CAMSAP3: variants seen among roughly 807,000 people sequenced by gnomAD.
CAMSAP3 encodes the protein calmodulin-regulated spectrin-associated protein 3.
Under a neutral mutation model 112.5 loss-of-function variants are expected in CAMSAP3, and 34 were observed. That is an observed-to-expected ratio of 0.30 (90% CI 0.23 to 0.40). CAMSAP3 has a LOEUF of 0.40. CAMSAP3 is among the 10% of genes least tolerant of loss of function. The probability of loss-of-function intolerance (pLI) is 1.00; values close to 1 mark genes in which losing one functional copy is unlikely to be tolerated. For missense variants in CAMSAP3, 1,602 were observed against 1,770.3 expected, an observed-to-expected ratio of 0.90 and a Z score of 1.71; for synonymous variants, 868 against 799.8, an observed-to-expected ratio of 1.09 and a Z score of -1.44.
chr19:7,612,431 T>C lies in CAMSAP3; in HGVS notation c.1938T>C (p.Ser646=). 1 of 1,591,832 alleles carries C rather than the reference T, an allele frequency of 6.3e-7. No homozygotes were observed. The highest frequency in any genetic ancestry group is 8.5e-7 in the Non-Finnish European group (1 of 1,171,538). ...TGCAGGTGCAGCCGCGGGAAGCCTC[T>C]GGGGAGGCGGAAGCAGAGGCGGAGG... ...AFLQVQPREA[S]GEAEAEAEEA... Residue 646 remains serine (S), a synonymous_variant, in exon 11 of 17, where the codon TCT becomes TCC. Transcript: ENST00000160298.
At position 7,607,789 on chromosome 19, in the gene CAMSAP3, C is replaced by T; in HGVS notation, c.622-337C>T. 4 of 929,416 alleles carry T rather than the reference C, an allele frequency of 4.3e-6. No homozygotes were observed. Among genetic ancestry groups the T allele is most frequent in the Non-Finnish European group, 6.5e-6 (4 of 619,444 alleles). 57.6% of individuals were successfully genotyped at this position (929,416 alleles called of 1,614,324 possible). A position where few individuals can be genotyped will look rare whatever the true frequency, so the allele number is the denominator to read the frequency against. ...GGGGCCCAGCAGGTCAGCACCCCTC[C>T]CCCTTGCTGATGGCTGCTCCTCTCC... On this transcript the variant is annotated intron_variant, in intron 4 of 16. Coordinates refer to ENST00000160298, the MANE Select transcript of CAMSAP3 (RefSeq NM_020902.2). The surrounding 1 kb of genome is among the most constrained non-coding windows in gnomAD (Gnocchi z 4.9).
At position 7,605,302 on chromosome 19, in the gene CAMSAP3, A is replaced by G. The variant is rs1256623361; in HGVS notation, c.225A>G (p.Thr75=). ...AGGAGCATGTGAAGCCCCCGGTGAC[A>G]CGGCTGCTGCTCTCAGCCGAGCTCT... ...YAQEHVKPPV[T]RLLLSAELYC... The change falls in exon 2 of 17, where the codon ACA becomes ACG. Residue 75 remains threonine, a synonymous_variant. Coordinates refer to ENST00000160298, the MANE Select transcript of CAMSAP3 (RefSeq NM_020902.2). 1 of 1,610,578 alleles carries G rather than the reference A, an allele frequency of 6.2e-7. No individual in the cohort carries two copies. The highest frequency in any genetic ancestry group is 8.5e-7 in the Non-Finnish European group (1 of 1,178,642).
chr19:7,611,823 A>G lies in CAMSAP3; in HGVS notation c.1330A>G (p.Arg444Gly), dbSNP rs1255425136. 1 of 1,588,980 alleles carries G rather than the reference A, an allele frequency of 6.3e-7. No homozygotes were observed. The highest frequency in any genetic ancestry group is 1.7e-5 in the Admixed American group (1 of 57,852). ...SLGPPRPAPA[R>G]TPTQPPPEPG... ...GGGCCCCCCGCGTCCCGCGCCGGCCAGGACCCCCACCCAGCCACCCCCGGA... is the reference window on the plus strand; with the variant it reads ...GGGCCCCCCGCGTCCCGCGCCGGCCGGGACCCCCACCCAGCCACCCCCGGA... Residue 444 changes from arginine to glycine, a missense_variant, in exon 11 of 17, where the codon AGG becomes GGG. Arg to Gly is a moderately radical substitution (Grantham distance 125). Around this residue, in one of 6 missense-constraint regions of CAMSAP3, gnomAD observed 1,100 missense variants for 1,135.7 expected, o/e 0.97. Coordinates refer to ENST00000160298, the MANE Select transcript of CAMSAP3 (RefSeq NM_020902.2). This position sits in a 1 kb window ranked among gnomAD's most constrained non-coding sequence, Gnocchi z 6.9.
intron 1 of CAMSAP3, among the ~76,000 whole-genome samples, chr19:7,603,150 G>A (rs1049953305): frequency 4.6e-5 from 7 of 151,986 alleles, no homozygotes; most frequent in East Asian, 3.9e-4. Flanking sequence ...GAGAAGTCCC[G>A]TTCAAATATG....
In CAMSAP3 at chr19:7,605,270, T is replaced by TA; in HGVS notation, c.194dup (p.Tyr65Ter). The change falls in exon 2 of 17, where the codon TAC becomes TAAC. Residue 65 changes from tyrosine (Y) to a stop codon, truncating the protein, a stop_gained and frameshift_variant. Coordinates refer to ENST00000160298, the MANE Select transcript of CAMSAP3 (RefSeq NM_020902.2). LOFTEE classifies it high-confidence loss of function. Reference protein sequence around the residue: ...ELWEPFYTDQYAQEHVKPPVT... With the variant: ...ELWEPFYTDQ ...GTGGGAGCCCTTCTATACCGACCAG[T>TA]ACGCGCAGGAGCATGTGAAGCCCCC... 1 of 1,607,176 alleles carries TA rather than the reference T, an allele frequency of 6.2e-7. No individual in the cohort carries two copies. Among genetic ancestry groups the TA allele is most frequent in the Non-Finnish European group, 8.5e-7 (1 of 1,177,014 alleles).
Position 7,611,941 on chromosome 19 carries a change from T to C in CAMSAP3, c.1448T>C (p.Phe483Ser), listed in dbSNP as rs1370066345. 6.3e-7 allele frequency: 1 copy of C among 1,599,402 alleles called. No homozygotes were observed. The highest frequency in any genetic ancestry group is 1.7e-5 in the Admixed American group (1 of 58,734). Reference protein sequence around the residue: ...LLPDGAADGSFYLHSPEGPSK... With the variant: ...LLPDGAADGSSYLHSPEGPSK... ...CCAGATGGGGCGGCCGACGGCAGCT[T>C]CTACCTCCACTCCCCTGAGGGGCCC... is the stretch of plus-strand genomic sequence containing the variant. Residue 483 changes from phenylalanine (F) to serine (S), a missense_variant, in exon 11 of 17, where the codon TTC becomes TCC. Phe to Ser is a radical substitution (Grantham distance 155). This residue lies in a region of CAMSAP3 where 1,100 missense variants were observed against 1,135.7 expected (regional missense o/e 0.97). Coordinates refer to ENST00000160298, the MANE Select transcript of CAMSAP3 (RefSeq NM_020902.2). This position sits in a 1 kb window ranked among gnomAD's most constrained non-coding sequence, Gnocchi z 6.9.
In CAMSAP3 at chr19:7,610,989, C is replaced by T; in HGVS notation, c.1049+58C>T. 6.3e-7 allele frequency: 1 copy of T among 1,579,042 alleles called. No individual in the cohort carries two copies. The highest frequency in any genetic ancestry group is 8.6e-7 in the Non-Finnish European group (1 of 1,156,112). ...TTGTGGGTGTGGGGCTCCATGTCTG[C>T]CTTGCTGAGCACTGGGACGCAGCTG... On this transcript the variant is annotated intron_variant, in intron 8 of 16. Coordinates refer to ENST00000160298, the MANE Select transcript of CAMSAP3 (RefSeq NM_020902.2). The surrounding 1 kb of genome is among the most constrained non-coding windows in gnomAD (Gnocchi z 4.9).
In CAMSAP3 at chr19:7,610,821, G is replaced by A. The variant is rs2030441610; in HGVS notation, c.994+28G>A. The stretch of plus-strand genomic sequence containing the variant: ...GAGGCCCTGGGGGCCTGGGGGCCGG[G>A]TCGGGGGCGGGTGGGAGAGCCAAAC... On this transcript the variant is annotated intron_variant, in intron 7 of 16. Coordinates refer to ENST00000160298, the MANE Select transcript of CAMSAP3 (RefSeq NM_020902.2). This position sits in a 1 kb window ranked among gnomAD's most constrained non-coding sequence, Gnocchi z 4.9. 1 of 1,610,644 alleles carries A rather than the reference G, an allele frequency of 6.2e-7. No homozygotes were observed.
intron 4 of CAMSAP3, 103 bp from the exon 5 acceptor site, chr19:7,608,023 C>T (rs973908738): frequency 7.0e-6 from 10 of 1,424,756 alleles, no homozygotes; most frequent in East Asian, 2.3e-5. Context: ...CCCAGCTTCC[C>T]GCCCCCTCAT....
chr19:7,605,147 G>GGTGTGTGTGTTTGTGTGTGT, intron 1 of CAMSAP3, 79 bp from the exon 2 acceptor site: 2 of 623,268 alleles, frequency 3.2e-6, no homozygotes. Flanking sequence ...CGGGCCATGT[G>GGTGTGTGTGTTTGTGTGTGT]GTGTGTGTGT....
At chr19:7,597,288 T>C (rs2024461111) in intron 1 of CAMSAP3, among the ~76,000 whole-genome samples, 1 of 152,116 alleles carries the variant, frequency 6.6e-6, no homozygotes, top group Non-Finnish European at 1.5e-5. Flanking sequence ...CGTCGTTCCA[T>C]GCATGCATTT....
At position 7,606,465 on chromosome 19, in the gene CAMSAP3, C is replaced by T. The variant is rs770476634; in HGVS notation, c.526-11C>T. 6.1e-5 allele frequency: 98 copies of T among 1,604,430 alleles called. No individual in the cohort carries two copies. The highest frequency in any genetic ancestry group is 8.0e-5 in the Non-Finnish European group (94 of 1,178,898). On this transcript the variant is annotated splice_polypyrimidine_tract_variant and intron_variant, in intron 3 of 16. Transcript: ENST00000160298. ...AGTGGCCAGACCACTGACCCCCTCCCTGCCCTCCAGACCGTCCGGCGGCTG... is the reference window on the plus strand; with the variant it reads ...AGTGGCCAGACCACTGACCCCCTCCTTGCCCTCCAGACCGTCCGGCGGCTG...
chr19:7,610,334 G>T lies in CAMSAP3; in HGVS notation c.761-142G>T. The T allele has an allele frequency of 1.5e-5, 8 of 547,408 alleles. No homozygotes were observed. Among genetic ancestry groups the T allele is most frequent in the South Asian group, 2.4e-5 (1 of 41,042 alleles). 33.9% of individuals were successfully genotyped at this position (547,408 alleles called of 1,614,324 possible). ...CTCCATCTCAAAAAAAAAAAAAAAA[G>T]AATTCACCTCTCGAAGGGCACCTGG... On this transcript the variant is annotated intron_variant, in intron 5 of 16. Transcript: ENST00000160298. The surrounding 1 kb of genome is among the most constrained non-coding windows in gnomAD (Gnocchi z 4.9).
chr19:7,606,473 C>T lies in CAMSAP3; in HGVS notation c.526-3C>T. 6.3e-7 allele frequency: 1 copy of T among 1,599,684 alleles called. No individual in the cohort carries two copies. Among genetic ancestry groups the T allele is most frequent in the Non-Finnish European group, 8.5e-7 (1 of 1,177,436 alleles). On this transcript the variant is annotated splice_polypyrimidine_tract_variant and splice_region_variant and intron_variant, in intron 3 of 16. Transcript: ENST00000160298. ...GACCACTGACCCCCTCCCTGCCCTC[C>T]AGACCGTCCGGCGGCTGCAGGAGAA...
intron 1 of CAMSAP3, among the ~76,000 whole-genome samples, chr19:7,604,922 G>A (rs771369016): frequency 3.3e-5 from 5 of 152,058 alleles, no homozygotes; most frequent in Non-Finnish European, 7.4e-5. Context: ...GCCTGGTATT[G>A]GGGGTAGCCT....
In CAMSAP3 at chr19:7,618,210, G is replaced by A; in HGVS notation, c.*153G>A. ...CTCTGACTTTGAGTCCAGTCCTGCT[G>A]TGGGGGCTGAGCTGGGAGGTTCAGG... On this transcript the variant is annotated 3_prime_UTR_variant, in exon 17 of 17. Transcript: ENST00000160298. 1.2e-6 allele frequency: 1 copy of A among 815,008 alleles called. No homozygotes were observed. Among genetic ancestry groups the A allele is most frequent in the South Asian group, 1.8e-5 (1 of 55,422 alleles). 50.5% of individuals were successfully genotyped at this position (815,008 alleles called of 1,614,324 possible).
chr19:7,604,987 C>T (rs2030131722), intron 1 of CAMSAP3, among the ~76,000 whole-genome samples: 1 of 152,140 alleles, frequency 6.6e-6, no homozygotes, highest in South Asian at 2.1e-4. Flanking sequence ...GTGTTCTCTC[C>T]CACCTGCTGG....
At chr19:7,608,297 C>G (rs370266225) in intron 5 of CAMSAP3, 33 bp downstream of exon 5, 1 of 1,590,326 alleles carries the variant, frequency 6.3e-7, no homozygotes, top group African/African-American at 1.3e-5. Context: ...GATCTTGTGC[C>G]GGGGAGCTGG....
In CAMSAP3 at chr19:7,617,767, A is replaced by G; in HGVS notation, c.3460A>G (p.Lys1154Glu). 1 of 1,612,086 alleles carries G rather than the reference A, an allele frequency of 6.2e-7. No individual in the cohort carries two copies. The highest frequency in any genetic ancestry group is 8.5e-7 in the Non-Finnish European group (1 of 1,178,436). ...NRILEEIEKS[K>E]ANHFLILFRD... ...TCCTGCCCAGGAAATTGAGAAAAGCAAGGCCAACCACTTCCTGATCCTCTT... is the reference window on the plus strand; with the variant it reads ...TCCTGCCCAGGAAATTGAGAAAAGCGAGGCCAACCACTTCCTGATCCTCTT... The change falls in exon 17 of 17, where the codon AAG (lysine) becomes GAG (glutamate). Residue 1154 changes from lysine to glutamate, a missense_variant. Lys to Glu is a moderately conservative substitution (Grantham distance 56, BLOSUM62 1). Around this residue, in one of 6 missense-constraint regions of CAMSAP3, gnomAD observed 150 missense variants for 207.6 expected, o/e 0.72. Coordinates refer to ENST00000160298, the MANE Select transcript of CAMSAP3 (RefSeq NM_020902.2). The surrounding 1 kb of genome is among the most constrained non-coding windows in gnomAD (Gnocchi z 7.5).
Sources: gnomAD v4.1 joint callset for allele counts (sites outside exome capture counted in the v4.1 genomes callset) on GRCh38, gnomAD v4.1.1 for gene constraint, gnomAD v4.1.1 regional missense constraint, Gnocchi (gnomAD v3.1) non-coding constraint, MANE v1.5 for transcripts, NCBI Gene and HGNC (gene_info 2026-07-23, HGNC 2026-07-21) for gene names.